RBFOX1: variants seen among roughly 807,000 people sequenced by gnomAD.
RBFOX1 encodes the protein RNA binding protein fox-1 homolog 1.
In RBFOX1, 8 loss-of-function variants were observed where a neutral mutation model predicts 57.7. The observed-to-expected ratio is 0.14, with a 90% CI of 0.08 to 0.25. RBFOX1 has a LOEUF of 0.25. Ranked by LOEUF, RBFOX1 falls within the 10% of genes least tolerant of loss-of-function variation. The pLI is 1.00. For missense variants in RBFOX1, 611 were observed against 548.5 expected, an observed-to-expected ratio of 1.11 and a Z score of -1.14; for synonymous variants, 326 against 222.4, an observed-to-expected ratio of 1.47 and a Z score of -4.15.
intron 4 of RBFOX1, among the ~76,000 whole-genome samples, chr16:7,062,431 G>A (rs777241292): frequency 2.0e-5 from 3 of 152,016 alleles, no homozygotes; most frequent in Non-Finnish European, 4.4e-5. Flanking sequence ...GTGCTTGTAT[G>A]TGGATGAATC....
At chr16:7,614,966 C>G (rs2058183155) in intron 10 of RBFOX1, 1 of 152,176 alleles carries the variant, frequency 6.6e-6, no homozygotes. Context: ...CACTGCTTTG[C>G]TACGCAGCAT....
intron 3 of RBFOX1, among the ~76,000 whole-genome samples, chr16:6,832,418 C>T (rs879550256): frequency 6.6e-6 from 1 of 152,126 alleles, no homozygotes; most frequent in Non-Finnish European, 1.5e-5. Flanking sequence ...ACTGAGGGGT[C>T]TGCATTACTC....
At chr16:7,204,802 A>T (rs1051231326) in intron 4 of RBFOX1, among the ~76,000 whole-genome samples, 1 of 151,972 alleles carries the variant, frequency 6.6e-6, no homozygotes, top group African/African-American at 2.4e-5. Flanking sequence ...CCTTAATGCA[A>T]ACTGATTGGT....
intron 4 of RBFOX1, among the ~76,000 whole-genome samples, chr16:5,921,373 T>C (rs148784716): frequency 5.6e-4 from 86 of 152,250 alleles, no homozygotes; most frequent in African/African-American, 1.9e-3. Context: ...TTACTTAAGA[T>C]GCAAGGTGGA....
intron 1 of RBFOX1, among the ~76,000 whole-genome samples, chr16:5,247,761 C>G (rs2062338862): frequency 6.6e-6 from 1 of 152,152 alleles, no homozygotes; most frequent in Middle Eastern, 3.2e-3. Context: ...AAAAAAAATG[C>G]TGAGCCTTGT....
intron 4 of RBFOX1, among the ~76,000 whole-genome samples, chr16:7,240,170 T>G (rs942119800): frequency 6.6e-5 from 10 of 152,288 alleles, no homozygotes; most frequent in Non-Finnish European, 1.5e-4. Flanking sequence ...TTTCACCATG[T>G]TGGCCAAGCT....
chr16:7,521,633 T>C (rs1314636206), intron 5 of RBFOX1, among the ~76,000 whole-genome samples: 1 of 152,168 alleles, frequency 6.6e-6, no homozygotes, highest in Non-Finnish European at 1.5e-5. Context: ...CTTAGGAGAA[T>C]ATAGGATTTG....
At chr16:6,808,160 A>ATGTGTGTGTTGTGTGTG (rs2087396906) in intron 3 of RBFOX1, among the ~76,000 whole-genome samples, 1 of 140,098 alleles carries the variant, frequency 7.1e-6, no homozygotes, top group African/African-American at 2.7e-5. Context: ...TACCTTATAT[A>ATGTGTGTGTTGTGTGTG]TGTGTGTGTG....
chr16:5,695,095 G>C (rs887317639), intron 3 of RBFOX1, among the ~76,000 whole-genome samples: 1 of 152,056 alleles, frequency 6.6e-6, no homozygotes, highest in Non-Finnish European at 1.5e-5. Flanking sequence ...ATACAACAGT[G>C]TGTAAATGTC....
intron 4 of RBFOX1, among the ~76,000 whole-genome samples, chr16:7,065,124 C>T (rs907723119): frequency 2.0e-5 from 3 of 152,184 alleles, no homozygotes; most frequent in Non-Finnish European, 4.4e-5. Flanking sequence ...GAGACCAATT[C>T]TGTATGGAGA....
At chr16:7,551,139 T>C (rs952185442) in intron 5 of RBFOX1, among the ~76,000 whole-genome samples, 24 of 151,680 alleles carry the variant, frequency 1.6e-4, no homozygotes, top group African/African-American at 5.8e-4. Context: ...ACTTCTGCTT[T>C]CGCCACGATA....
At chr16:6,841,974 T>TAA (rs57783370) in intron 3 of RBFOX1, among the ~76,000 whole-genome samples, 10,654 of 147,662 alleles carry the variant, frequency 0.072, 496 homozygotes, top group Non-Finnish European at 0.11. Flanking sequence ...CCGTCTCTAT[T>TAA]AAAAAAAAAA....
chr16:7,296,622 C>T lies in RBFOX1; in HGVS notation c.28-221525C>T, dbSNP rs191289275. ...TGAATTTAAACCAGTTTGTGTGTTT[C>T]TGTAGATGCAGAACACCTGCATGAT... On this transcript the variant is annotated intron_variant, in intron 4 of 15. Coordinates refer to ENST00000550418, the MANE Select transcript of RBFOX1 (RefSeq NM_018723.4). Among the ~76,000 whole-genome samples the T allele has an allele frequency of 2.3e-3, 348 of 152,286 alleles. 2 individuals carry two copies. Among genetic ancestry groups the T allele is most frequent in the South Asian group, 0.019 (92 of 4,822 alleles).
chr16:6,151,516 C>G (rs554576405), intron 1 of RBFOX1, among the ~76,000 whole-genome samples: 1 of 152,156 alleles, frequency 6.6e-6, no homozygotes, highest in Non-Finnish European at 1.5e-5. Flanking sequence ...GAATTCCTGA[C>G]TTCAGGTTAT....
At chr16:6,824,431 C>T (rs1001679257) in intron 3 of RBFOX1, among the ~76,000 whole-genome samples, 2 of 152,180 alleles carry the variant, frequency 1.3e-5, no homozygotes, top group African/African-American at 2.4e-5. Flanking sequence ...AGTTATCTTA[C>T]TGTCAAGGCA....
At chr16:6,636,737 C>G (rs1341648661) in intron 2 of RBFOX1, among the ~76,000 whole-genome samples, 1 of 131,312 alleles carries the variant, frequency 7.6e-6, no homozygotes, top group Non-Finnish European at 1.6e-5. Flanking sequence ...ATAAAATAAG[C>G]CAATTATATA....
At chr16:7,605,005 C>G (rs1366182050) in intron 9 of RBFOX1, among the ~76,000 whole-genome samples, 1 of 151,894 alleles carries the variant, frequency 6.6e-6, no homozygotes, top group African/African-American at 2.4e-5. Flanking sequence ...TAATATGACC[C>G]CATATAGAGT....
intron 2 of RBFOX1, among the ~76,000 whole-genome samples, chr16:6,523,422 C>T (rs886617761): frequency 5.9e-5 from 9 of 152,122 alleles, no homozygotes; most frequent in African/African-American, 2.2e-4. Flanking sequence ...TGTTAACGGT[C>T]ATTGAACATG....
chr16:7,674,601 TGAC>T (rs1163623473), intron 13 of RBFOX1, among the ~76,000 whole-genome samples: 2 of 152,190 alleles, frequency 1.3e-5, no homozygotes, highest in South Asian at 2.1e-4. Context: ...ATCAGAATAT[TGAC>T]GACTTGTGCC....
Sources: allele counts gnomAD v4.1 joint callset (sites outside exome capture counted in the v4.1 genomes callset), GRCh38; gene constraint gnomAD v4.1.1; transcripts MANE v1.5; gene names NCBI Gene and HGNC (gene_info 2026-07-23, HGNC 2026-07-21).